Variants in RBM26 observed in about 807,000 individuals in gnomAD.
RBM26 encodes RNA-binding protein 26.
In RBM26, 30 loss-of-function variants were observed where a neutral mutation model predicts 123.6. That is an observed-to-expected ratio of 0.24 (90% confidence interval 0.18 to 0.33). The LOEUF (loss-of-function observed/expected upper bound fraction) is 0.33. Ranked by LOEUF, RBM26 falls within the 10% of genes least tolerant of loss-of-function variation. RBM26 has a pLI of 1.00. For missense variants in RBM26, 947 were observed against 1,203.6 expected (o/e 0.79, Z 3.15); for synonymous variants, 400 against 404.4 (o/e 0.99, Z 0.13).
intron 10 of RBM26, among the ~76,000 whole-genome samples, chr13:79,358,750 A>T (rs1164723690): frequency 6.6e-6 from 1 of 152,122 alleles, no homozygotes; most frequent in South Asian, 2.1e-4. Context: ...TGCATATATA[A>T]CCTTTATTCT....
At chr13:79,368,312 C>T (rs555403177) in intron 6 of RBM26, among the ~76,000 whole-genome samples, 27 of 152,326 alleles carry the variant, frequency 1.8e-4, no homozygotes, top group African/African-American at 6.0e-4. Context: ...AGGCGTGAGC[C>T]GCTGCGCCCA....
intron 1 of RBM26, among the ~76,000 whole-genome samples, chr13:79,384,264 T>G (rs2077301708): frequency 1.3e-5 from 2 of 151,870 alleles, no homozygotes; most frequent in Admixed American, 1.3e-4. Context: ...TTTTTTTCTT[T>G]TCATTTCATT....
intron 1 of RBM26, among the ~76,000 whole-genome samples, chr13:79,396,221 G>A (rs539426351): frequency 2.4e-4 from 20 of 82,372 alleles, no homozygotes; most frequent in Non-Finnish European, 4.1e-4. Flanking sequence ...TAAAACCAAC[G>A]ACCTAGGTTC....
intron 1 of RBM26, among the ~76,000 whole-genome samples, chr13:79,383,553 G>A (rs993823544): frequency 3.3e-5 from 5 of 151,934 alleles, no homozygotes; most frequent in Non-Finnish European, 7.4e-5. Context: ...AGTGATTATC[G>A]TCCAAATATC....
intron 20 of RBM26, among the ~76,000 whole-genome samples, chr13:79,325,141 C>T (rs573594638): frequency 5.3e-5 from 8 of 152,166 alleles, no homozygotes; most frequent in East Asian, 1.9e-4. Context: ...AAGTATGGCA[C>T]GCACAATTAT....
intron 20 of RBM26, among the ~76,000 whole-genome samples, chr13:79,330,958 G>C (rs887958442): frequency 6.6e-6 from 1 of 151,980 alleles, no homozygotes; most frequent in African/African-American, 2.4e-5. Flanking sequence ...ACTCTGCTAT[G>C]CACATAATTT....
downstream of RBM26, among the ~76,000 whole-genome samples, chr13:79,316,310 G>C (rs146704269): frequency 1.3e-5 from 2 of 151,244 alleles, no homozygotes; most frequent in African/African-American, 4.8e-5. Context: ...TGTGTGTAAG[G>C]AGGGAAAAGA....
Position 79,355,250 on chromosome 13 carries a change from G to T in RBM26, c.1824C>A (p.Ser608Arg), listed in dbSNP as rs201555076. The change falls in exon 12 of 22, where the codon AGC (serine) becomes AGA (arginine). Residue 608 changes from serine (S) to arginine (R), a missense_variant. This residue lies in a region of RBM26 where 493 missense variants were observed against 563.1 expected (regional missense o/e 0.88). Coordinates refer to ENST00000438737, the MANE Select transcript of RBM26 (RefSeq NM_001366735.2). ...FIKVYWHREG[S>R]TQQLQTTSPK... The stretch of plus-strand genomic sequence containing the variant: ...GAGAAGTAGTTTGTAACTGTTGGGT[G>T]CTTCCTTCTCTGTGCCAATAAACCT... The T allele has an allele frequency of 6.2e-7, 1 of 1,613,920 alleles. No homozygotes were observed.
rs542564063 is a variant in RBM26 at position 79,405,838 on chromosome 13, C to G, written c.-64G>C. 5.8e-6 allele frequency: 6 copies of G among 1,041,992 alleles called. No individual in the cohort carries two copies. In the Admixed American group the frequency reaches 7.8e-5, roughly 14 times the overall value. The allele number at this position is 1,041,992 out of a possible 1,614,324, so 64.5% of individuals were successfully genotyped here. A position where few individuals can be genotyped will look rare whatever the true frequency, so the allele number is the denominator to read the frequency against. On this transcript the variant is annotated 5_prime_UTR_variant, in exon 1 of 22. Transcript: ENST00000438737. ...CCCAGGTCGCGGCCGCTACAGCCGC[C>G]GCTGCCCCCGCCCCCTCCTCCGCGC...
rs771695284 is a variant in RBM26 at position 79,329,314 on chromosome 13, C to T, written c.2820+5030G>A. Among the ~76,000 whole-genome samples the T allele has an allele frequency of 5.8e-4, 88 of 151,342 alleles. 1 individual carries two copies. The highest frequency in any genetic ancestry group is 3.2e-3 in the Middle Eastern group (1 of 314). On this transcript the variant is annotated intron_variant, in intron 20 of 21. Coordinates refer to ENST00000438737, the MANE Select transcript of RBM26 (RefSeq NM_001366735.2). The stretch of plus-strand genomic sequence containing the variant: ...AGTATGAGCTCTAAATTTCTTTATA[C>T]ATGTGTATATATGTGCATATACATA...
chr13:79,371,321 C>A (rs2075851888), intron 4 of RBM26, among the ~76,000 whole-genome samples, 159 bp from the exon 5 acceptor site: 1 of 152,088 alleles, frequency 6.6e-6, no homozygotes. Context: ...ACTTTAAATC[C>A]CTTTTAAATG....
At chr13:79,344,578 T>A in intron 15 of RBM26, 91 bp downstream of exon 15, 1 of 1,162,870 alleles carries the variant, frequency 8.6e-7, no homozygotes, top group Non-Finnish European at 1.2e-6. Flanking sequence ...ACCCTTGTAG[T>A]CTTATTTTGC....
At chr13:79,378,367 T>C (rs2076815885) in intron 2 of RBM26, among the ~76,000 whole-genome samples, 1 of 152,230 alleles carries the variant, frequency 6.6e-6, no homozygotes. Context: ...ATAATATTGT[T>C]TATTTAACTT....
At chr13:79,323,108 T>C (rs2067887332) in intron 20 of RBM26, among the ~76,000 whole-genome samples, 1 of 151,552 alleles carries the variant, frequency 6.6e-6, no homozygotes, top group Non-Finnish European at 1.5e-5. Context: ...ACCAAACTTT[T>C]ATAACTGAAT....
At chr13:79,351,442 A>G (rs553753498) in intron 14 of RBM26, among the ~76,000 whole-genome samples, 2 of 152,246 alleles carry the variant, frequency 1.3e-5, no homozygotes, top group South Asian at 4.1e-4. Flanking sequence ...GGATAAACCT[A>G]ATCCAAGTAA....
intron 14 of RBM26, among the ~76,000 whole-genome samples, chr13:79,348,490 A>T (rs900592139): frequency 2.0e-5 from 3 of 152,158 alleles, no homozygotes; most frequent in Non-Finnish European, 2.9e-5. Flanking sequence ...AAATTAAGTT[A>T]TCCGAGTATG....
Position 79,358,300 on chromosome 13 carries a change from G to T in RBM26, c.1663C>A (p.Arg555=), listed in dbSNP as rs75343650. ...TGTAAGTTAACCAAGGTTCCAAATC[G>T]ACTAAAATGTTCATTAAGTTTGCTG... ...NISKLNEHFS[R]FGTLVNLQVA... The change falls in exon 11 of 22, where the codon CGA becomes AGA. Residue 555 remains arginine (R), a synonymous_variant. Coordinates refer to ENST00000438737, the MANE Select transcript of RBM26 (RefSeq NM_001366735.2). The T allele has an allele frequency of 3.6e-4, 578 of 1,607,352 alleles. 2 individuals are homozygous for T. The East Asian group carries it at 0.013, about 36-fold the overall frequency.
chr13:79,319,491 AGTATAGGAAG>A lies in RBM26; in HGVS notation c.*1120_*1129del. The stretch of plus-strand genomic sequence containing the variant: ...TGCAAACATCAAAGATTTTTATACA[AGTATAGGAAG>A]TACACACTTAAAATATCAGACTGGA... On this transcript the variant is annotated 3_prime_UTR_variant, in exon 22 of 22. Transcript: ENST00000438737. 1 of 984,378 alleles carries A rather than the reference AGTATAGGAAG, an allele frequency of 1.0e-6. No individual in the cohort carries two copies. The highest frequency in any genetic ancestry group is 1.2e-6 in the Non-Finnish European group (1 of 829,164). The allele number at this position is 984,378 out of a possible 1,614,324, so 61.0% of individuals were successfully genotyped here.
chr13:79,367,019 A>G (rs9545088), intron 6 of RBM26, 147 bp from the exon 7 acceptor site: 38,351 of 620,508 alleles, frequency 0.062, 1,541 homozygotes, highest in Middle Eastern at 0.17. Context: ...GAGCTACCTG[A>G]TCTTCTCCAG....
Sources: gnomAD v4.1 joint callset for allele counts (sites outside exome capture counted in the v4.1 genomes callset) on GRCh38, gnomAD v4.1.1 for gene constraint, gnomAD v4.1.1 regional missense constraint, MANE v1.5 for transcripts, NCBI Gene and HGNC (gene_info 2026-07-23, HGNC 2026-07-21) for gene names.